KCNG2: variants seen among roughly 807,000 people sequenced by gnomAD.
KCNG2 encodes the protein voltage-gated potassium channel regulatory subunit KCNG2.
Under a neutral mutation model 12.3 loss-of-function variants are expected in KCNG2, and 7 were observed. That is an observed-to-expected ratio of 0.57 (90% CI 0.32 to 1.07). The LOEUF is 1.07. Ranked by LOEUF, KCNG2 falls within the 50% of genes least tolerant of loss-of-function variation. The probability of loss-of-function intolerance (pLI) is 0.04; values close to 1 mark genes in which losing one functional copy is unlikely to be tolerated. For synonymous variants in KCNG2, 414 were observed against 351.4 expected (o/e 1.18, Z -1.99); for missense variants, 703 against 726.0 (o/e 0.97, Z 0.36).
At chr18:79,842,252 G>T (rs1374035072) in intron 1 of KCNG2, among the ~76,000 whole-genome samples, 1 of 152,170 alleles carries the variant, frequency 6.6e-6, no homozygotes, top group African/African-American at 2.4e-5. Flanking sequence ...CCCCAAGCTG[G>T]CCCTTGTAAA....
chr18:79,825,993 G>A (rs1257134641), intron 1 of KCNG2, among the ~76,000 whole-genome samples: 2 of 152,226 alleles, frequency 1.3e-5, no homozygotes, highest in Non-Finnish European at 2.9e-5. Flanking sequence ...TGTGTCCAGG[G>A]CATGACCCCC....
intron 3 of KCNG2, among the ~76,000 whole-genome samples, chr18:79,892,301 T>A (rs570669579): frequency 6.6e-6 from 1 of 152,338 alleles, no homozygotes; most frequent in Non-Finnish European, 1.5e-5. Context: ...ACATATTATC[T>A]CTAATAATAT....
At chr18:79,896,316 G>A (rs996596321) in intron 3 of KCNG2, among the ~76,000 whole-genome samples, 13 of 151,978 alleles carry the variant, frequency 8.6e-5, no homozygotes, top group African/African-American at 3.1e-4. Flanking sequence ...TCTTTTAGTG[G>A]TTGCTCTGGA....
intron 2 of KCNG2, among the ~76,000 whole-genome samples, chr18:79,857,791 T>A (rs1283537760): frequency 2.0e-5 from 3 of 151,876 alleles, no homozygotes; most frequent in Non-Finnish European, 4.4e-5. Context: ...CCTAACGTTA[T>A]ATTTACCATT....
chr18:79,864,308 G>C lies in KCNG2; in HGVS notation c.624+17G>C, dbSNP rs763455583. 2 of 1,510,836 alleles carry C rather than the reference G, an allele frequency of 1.3e-6. No individual in the cohort carries two copies. Among genetic ancestry groups the C allele is most frequent in the East Asian group, 2.9e-5 (1 of 34,714 alleles). 93.6% of individuals were successfully genotyped at this position (1,510,836 alleles called of 1,614,324 possible). A position where few individuals can be genotyped will look rare whatever the true frequency, so the allele number is the denominator to read the frequency against. On this transcript the variant is annotated intron_variant, in intron 3 of 3. Transcript: ENST00000316249. Reference sequence around the variant, plus strand: ...GAGGAGCGGGTGAGCGCGGCCGGGGGTGGCGGGGACCGGGCCGGAGCTGGG... The same window carrying C: ...GAGGAGCGGGTGAGCGCGGCCGGGGCTGGCGGGGACCGGGCCGGAGCTGGG...
chr18:79,845,825 G>T (rs772738295), intron 1 of KCNG2, among the ~76,000 whole-genome samples: 1 of 152,194 alleles, frequency 6.6e-6, no homozygotes, highest in African/African-American at 2.4e-5. Context: ...AGTGGCTCAC[G>T]CCTGTAATCC....
intron 3 of KCNG2, among the ~76,000 whole-genome samples, chr18:79,869,021 AG>A (rs142055047): frequency 1.1e-4 from 16 of 152,300 alleles, no homozygotes; most frequent in African/African-American, 3.8e-4. Flanking sequence ...CGGCTTCCAC[AG>A]GGTTTCCCGC....
chr18:79,849,590 G>A (rs914918373), intron 1 of KCNG2, among the ~76,000 whole-genome samples: 6 of 152,360 alleles, frequency 3.9e-5, no homozygotes, highest in Admixed American at 3.3e-4. Flanking sequence ...CAAGCGCGGC[G>A]GTAAAGACAA....
chr18:79,849,584 C>T (rs569338964), intron 1 of KCNG2, among the ~76,000 whole-genome samples: 2 of 152,374 alleles, frequency 1.3e-5, no homozygotes, highest in South Asian at 2.1e-4. Flanking sequence ...TTACACCAAG[C>T]GCGGCGGTAA....
chr18:79,807,082 G>A (rs2087454922), intron 1 of KCNG2, among the ~76,000 whole-genome samples: 1 of 152,172 alleles, frequency 6.6e-6, no homozygotes, highest in Admixed American at 6.5e-5. Context: ...AGACCTCTGT[G>A]GAGGAGAAAA....
At chr18:79,874,595 C>T (rs879328576) in intron 3 of KCNG2, among the ~76,000 whole-genome samples, 2 of 152,252 alleles carry the variant, frequency 1.3e-5, no homozygotes, top group African/African-American at 2.4e-5. Flanking sequence ...AATTGATTCT[C>T]TCCTACTGCA....
chr18:79,823,714 T>G (rs963089572), intron 1 of KCNG2, among the ~76,000 whole-genome samples: 2 of 152,188 alleles, frequency 1.3e-5, no homozygotes, highest in African/African-American at 4.8e-5. Flanking sequence ...GTTTTTCTTT[T>G]TCCACGTGTG....
rs548663326 is a variant in KCNG2, at chr18:79,899,804, G to A, written c.1389G>A (p.Arg463=). 2.2e-5 allele frequency: 31 copies of A among 1,410,870 alleles called. 1 individual carries two copies. In the South Asian group the frequency reaches 4.8e-4, roughly 22 times the overall value. 87.4% of individuals were successfully genotyped at this position (1,410,870 alleles called of 1,614,324 possible). Residue 463 remains arginine (R), a synonymous_variant, in exon 4 of 4, where the codon CGG becomes CGA. Coordinates refer to ENST00000316249, the MANE Select transcript of KCNG2 (RefSeq NM_012283.2). The part of the protein sequence containing the change: ...ADDSADALWV[R]AGR ...ACTCCGCGGATGCGCTGTGGGTGCG[G>A]GCAGGGCGCTGACGCCTGCGCCGCC... is the stretch of plus-strand genomic sequence containing the variant.
rs1340939930 is a variant in KCNG2, at chr18:79,800,608, T to C, written c.-115+2594T>C. On this transcript the variant is annotated intron_variant, in intron 1 of 3. Transcript: ENST00000316249. The surrounding 1 kb of genome is among the most constrained non-coding windows in gnomAD (Gnocchi z 4.0). ...CCCGTGTGGGAGGCACTCAGGGTCC[T>C]TGCTGGTGTCGGAGAAACAGCACTG... 6.6e-6 allele frequency among the ~76,000 whole-genome samples: 1 copy of C among 152,246 alleles called. No individual in the cohort carries two copies. Among genetic ancestry groups the C allele is most frequent in the East Asian group, 1.9e-4 (1 of 5,196 alleles).
At chr18:79,807,401 A>G (rs746140119) in intron 1 of KCNG2, among the ~76,000 whole-genome samples, 2 of 152,108 alleles carry the variant, frequency 1.3e-5, no homozygotes, top group African/African-American at 2.4e-5. Context: ...TCTACCGTAA[A>G]CACCCGAGCA....
chr18:79,856,223 A>G (rs1476684749), intron 1 of KCNG2, among the ~76,000 whole-genome samples, 156 bp from the exon 2 acceptor site: 2 of 152,182 alleles, frequency 1.3e-5, no homozygotes, highest in African/African-American at 2.4e-5. Flanking sequence ...GGAGCATGCA[A>G]TGGATTTGGC....
intron 1 of KCNG2, among the ~76,000 whole-genome samples, chr18:79,840,923 A>T (rs903773702): frequency 3.9e-5 from 6 of 152,326 alleles, no homozygotes; most frequent in Admixed American, 2.0e-4. Context: ...CTTATACAAA[A>T]ATTAACTCAA....
At chr18:79,832,557 C>T (rs1978302305) in intron 1 of KCNG2, among the ~76,000 whole-genome samples, 1 of 152,210 alleles carries the variant, frequency 6.6e-6, no homozygotes, top group African/African-American at 2.4e-5. Flanking sequence ...ATCTTCTCCC[C>T]ACTCTCTTGC....
intron 3 of KCNG2, among the ~76,000 whole-genome samples, chr18:79,873,318 C>A (rs1221139759): frequency 2.0e-5 from 3 of 152,048 alleles, no homozygotes; most frequent in African/African-American, 7.2e-5. Context: ...AGTTCTGTGC[C>A]CTGCAGGGGT....
Sources: gnomAD v4.1 joint callset for allele counts (sites outside exome capture counted in the v4.1 genomes callset) on GRCh38, gnomAD v4.1.1 for gene constraint, Gnocchi (gnomAD v3.1) non-coding constraint, MANE v1.5 for transcripts, NCBI Gene and HGNC (gene_info 2026-07-23, HGNC 2026-07-21) for gene names.